Variants in ROR2 observed in about 807,000 individuals in gnomAD.
ROR2 encodes tyrosine-protein kinase transmembrane receptor ROR2.
In ROR2, 33 loss-of-function variants were observed where a neutral mutation model predicts 74.9. The ratio of observed to expected loss-of-function variants is 0.44; its 90% CI spans 0.33 to 0.59. The LOEUF (loss-of-function observed/expected upper bound fraction) is 0.59, where lower values mean the gene tolerates loss of function less well. ROR2 is among the 20% of genes least tolerant of loss of function. The probability of loss-of-function intolerance (pLI) is 0.02; values close to 1 mark genes in which losing one functional copy is unlikely to be tolerated. For missense variants in ROR2, 1,216 were observed against 1,313.8 expected (o/e 0.93, Z 1.15); for synonymous variants, 586 against 558.7 (o/e 1.05, Z -0.69).
At chr9:91,928,113 T>G (rs1161839549) in intron 1 of ROR2, among the ~76,000 whole-genome samples, 1 of 151,908 alleles carries the variant, frequency 6.6e-6, no homozygotes, top group Non-Finnish European at 1.5e-5. Context: ...GCCACCACCT[T>G]CTGCATTACA....
At chr9:91,873,358 C>T (rs1403419633) in intron 1 of ROR2, among the ~76,000 whole-genome samples, 4 of 152,100 alleles carry the variant, frequency 2.6e-5, no homozygotes, top group Non-Finnish European at 4.4e-5. Flanking sequence ...GAGGCTGAGG[C>T]GGGTGGATCA....
At chr9:91,921,355 C>A (rs1335782079) in intron 1 of ROR2, among the ~76,000 whole-genome samples, 6 of 152,184 alleles carry the variant, frequency 3.9e-5, no homozygotes, top group Admixed American at 6.5e-5. Flanking sequence ...TTCCTCCGTT[C>A]TTAAATATAT....
chr9:91,825,186 G>A lies in ROR2; in HGVS notation c.98-49368C>T, dbSNP rs967903611. Among the ~76,000 whole-genome samples, 9 of 152,210 alleles carry A rather than the reference G, an allele frequency of 5.9e-5. No homozygotes were observed. The South Asian group carries it at 6.2e-4, about 11-fold the overall frequency. ...AAGCAAGGCGCCCCTCCCAGGATAC[G>A]TAAGAAAGCCTTCGGTAATCAGGGA... On this transcript the variant is annotated intron_variant, in intron 1 of 8. Transcript: ENST00000375708.
chr9:91,728,781 C>A (rs1837133678), intron 7 of ROR2, among the ~76,000 whole-genome samples: 1 of 152,298 alleles, frequency 6.6e-6, no homozygotes, highest in Middle Eastern at 3.4e-3. Context: ...TTTCCTGCTC[C>A]TGTTTTTTTG....
intron 1 of ROR2, among the ~76,000 whole-genome samples, chr9:91,850,264 A>G (rs1026649191): frequency 3.3e-5 from 5 of 152,142 alleles, no homozygotes; most frequent in African/African-American, 1.2e-4. Flanking sequence ...ATGTTATTTT[A>G]TGTTTCCTAA....
chr9:91,735,606 C>CTTTTTTTTTTTTTTTTTTTTTTTTTTTT lies in ROR2; in HGVS notation c.622+1757_622+1784dup, dbSNP rs35146225. On this transcript the variant is annotated intron_variant, in intron 5 of 8. Coordinates refer to ENST00000375708, the MANE Select transcript of ROR2 (RefSeq NM_004560.4). The stretch of plus-strand genomic sequence containing the variant: ...GCACGGTTCCTACTAAGGGCTCTAA[C>CTTTTTTTTTTTTTTTTTTTTTTTTTTTT]TTTTTTTTTTTTTTTTTTTTTTTTT... Among the ~76,000 whole-genome samples, 11 of 79,012 alleles carry CTTTTTTTTTTTTTTTTTTTTTTTTTTTT rather than the reference C, an allele frequency of 1.4e-4. 1 individual carries two copies. The highest frequency in any genetic ancestry group is 1.9e-4 in the Non-Finnish European group (8 of 41,740). The allele number at this position is 79,012 out of a possible 152,430, so 51.8% of individuals were successfully genotyped here. A position where few individuals can be genotyped will look rare whatever the true frequency, so the allele number is the denominator to read the frequency against.
intron 1 of ROR2, among the ~76,000 whole-genome samples, chr9:91,925,994 A>G (rs1179092540): frequency 6.6e-6 from 1 of 152,202 alleles, no homozygotes; most frequent in Non-Finnish European, 1.5e-5. Flanking sequence ...CTGTAATCCC[A>G]GCACTCTGGG....
chr9:91,850,625 G>A (rs541819011), intron 1 of ROR2, among the ~76,000 whole-genome samples: 2 of 152,342 alleles, frequency 1.3e-5, no homozygotes, highest in East Asian at 3.9e-4. Context: ...ACCCACCCAG[G>A]CTAGACTTCT....
chr9:91,806,389 A>G (rs1207369796), intron 1 of ROR2, among the ~76,000 whole-genome samples: 1 of 152,160 alleles, frequency 6.6e-6, no homozygotes, highest in Non-Finnish European at 1.5e-5. Context: ...AATCTCACGT[A>G]TGAGGGTTCC....
At chr9:91,844,356 C>T (rs557214409) in intron 1 of ROR2, among the ~76,000 whole-genome samples, 2 of 152,226 alleles carry the variant, frequency 1.3e-5, no homozygotes, top group South Asian at 2.1e-4. Context: ...TCGGCCTCCA[C>T]GCTCCTGCAC....
At chr9:91,775,189 C>T (rs1487459497) in intron 2 of ROR2, among the ~76,000 whole-genome samples, 2 of 152,202 alleles carry the variant, frequency 1.3e-5, no homozygotes, top group African/African-American at 4.8e-5. Flanking sequence ...GACAGGCTAT[C>T]TGTGGCTATG....
chr9:91,844,018 A>G (rs1359501631), intron 1 of ROR2, among the ~76,000 whole-genome samples: 1 of 151,506 alleles, frequency 6.6e-6, no homozygotes, highest in Non-Finnish European at 1.5e-5. Context: ...CCGTCCCCAC[A>G]CTCTCCTTCT....
intron 1 of ROR2, among the ~76,000 whole-genome samples, chr9:91,881,932 G>A (rs887705999): frequency 7.9e-5 from 12 of 152,250 alleles, no homozygotes; most frequent in Non-Finnish European, 1.3e-4. Flanking sequence ...GAGGCCCTCA[G>A]GCTGGGCAGC....
Position 91,828,359 on chromosome 9 carries a change from T to C in ROR2, c.98-52541A>G, listed in dbSNP as rs537345814. Among the ~76,000 whole-genome samples the C allele has an allele frequency of 5.3e-5, 8 of 152,356 alleles. No individual in the cohort carries two copies. The South Asian group carries it at 1.7e-3, about 32-fold the overall frequency. On this transcript the variant is annotated intron_variant, in intron 1 of 8. Coordinates refer to ENST00000375708, the MANE Select transcript of ROR2 (RefSeq NM_004560.4). ...TCTTCTCCAATATATTGTATGTAAA[T>C]TCATTAGTAAGTTCACAAATTAATT...
intron 2 of ROR2, among the ~76,000 whole-genome samples, chr9:91,766,018 T>C (rs775038508): frequency 1.3e-5 from 2 of 152,206 alleles, no homozygotes; most frequent in Non-Finnish European, 1.5e-5. Context: ...TTTCATTTAC[T>C]CTCCATCAGG....
chr9:91,927,427 G>A (rs1831433180), intron 1 of ROR2, among the ~76,000 whole-genome samples: 1 of 152,182 alleles, frequency 6.6e-6, no homozygotes, highest in African/African-American at 2.4e-5. Flanking sequence ...CAAAGCCAGA[G>A]GACCCTGAAG....
At chr9:91,732,558 T>C (rs971147612) in intron 6 of ROR2, among the ~76,000 whole-genome samples, 1 of 152,144 alleles carries the variant, frequency 6.6e-6, no homozygotes, top group Admixed American at 6.5e-5. Context: ...TGATGCCTGA[T>C]TGTTACAGGT....
intron 1 of ROR2, among the ~76,000 whole-genome samples, chr9:91,823,244 A>G (rs1828188002): frequency 6.6e-6 from 1 of 152,164 alleles, no homozygotes; most frequent in Non-Finnish European, 1.5e-5. Flanking sequence ...ATTATGGAGA[A>G]TGACAGTTTT....
At chr9:91,746,542 C>T (rs1021814043) in intron 4 of ROR2, among the ~76,000 whole-genome samples, 4 of 152,182 alleles carry the variant, frequency 2.6e-5, no homozygotes, top group South Asian at 2.1e-4. Flanking sequence ...GGCCGAATTC[C>T]GTGTAGACAC....
Sources: gnomAD v4.1 joint callset for allele counts (sites outside exome capture counted in the v4.1 genomes callset) on GRCh38, gnomAD v4.1.1 for gene constraint, MANE v1.5 for transcripts, NCBI Gene and HGNC (gene_info 2026-07-23, HGNC 2026-07-21) for gene names.